DCUN1D4: variants seen among roughly 807,000 people sequenced by gnomAD.
The protein encoded by DCUN1D4 is defective in cullin neddylation 1 domain containing 4.
A neutral mutation model predicts 47.9 loss-of-function variants in DCUN1D4; 22 were observed. The ratio of observed to expected loss-of-function variants is 0.46; its 90% CI spans 0.33 to 0.66. The LOEUF (loss-of-function observed/expected upper bound fraction) is 0.66. Ranked by LOEUF, DCUN1D4 falls within the 30% of genes least tolerant of loss-of-function variation. DCUN1D4 has a pLI of 0.02. For synonymous variants in DCUN1D4, 121 were observed against 112.2 expected (o/e 1.08, Z -0.50); for missense variants, 301 against 340.8 (o/e 0.88, Z 0.92).
chr4:51,911,036 A>C, intron 8 of DCUN1D4, 34 bp from the exon 9 acceptor site: 1 of 1,593,846 alleles, frequency 6.3e-7, no homozygotes, highest in Non-Finnish European at 8.6e-7. Flanking sequence ...ATTTGGGGGC[A>C]TCTGGCTCAT....
intron 10 of DCUN1D4, 32 bp from the exon 11 acceptor site, chr4:51,913,497 A>G (rs758548535): frequency 1.9e-6 from 3 of 1,589,728 alleles, no homozygotes; most frequent in South Asian, 2.2e-5. Flanking sequence ...TATTATTATT[A>G]TTATTACTAC....
intron 1 of DCUN1D4, among the ~76,000 whole-genome samples, chr4:51,847,172 C>G (rs1722686073): frequency 6.6e-6 from 1 of 152,164 alleles, no homozygotes. Context: ...GGTTATATCC[C>G]TGAACCAGCT....
At chr4:51,852,173 TTTTTGCTGG>T (rs932400956) in intron 1 of DCUN1D4, among the ~76,000 whole-genome samples, 2 of 152,190 alleles carry the variant, frequency 1.3e-5, no homozygotes, top group African/African-American at 4.8e-5. Flanking sequence ...TCCCCTCTCA[TTTTTGCTGG>T]TTTGCTTACA....
At chr4:51,862,504 T>C (rs981953546) in intron 1 of DCUN1D4, among the ~76,000 whole-genome samples, 35 of 152,204 alleles carry the variant, frequency 2.3e-4, no homozygotes, top group African/African-American at 7.5e-4. Flanking sequence ...AGGGAGCTTT[T>C]TTTCTTTCTT....
chr4:51,891,541 T>TC (rs1293843380), intron 6 of DCUN1D4, among the ~76,000 whole-genome samples: 1 of 152,190 alleles, frequency 6.6e-6, no homozygotes, highest in Non-Finnish European at 1.5e-5. Flanking sequence ...AATACATGCT[T>TC]CTCCAAACTC....
intron 4 of DCUN1D4, 57 bp downstream of exon 4, chr4:51,874,442 T>G: frequency 7.8e-7 from 1 of 1,287,550 alleles, no homozygotes. Flanking sequence ...AGATGCACAT[T>G]TCTACCTAAT....
At chr4:51,853,099 C>T (rs1442732263) in intron 1 of DCUN1D4, among the ~76,000 whole-genome samples, 1 of 152,134 alleles carries the variant, frequency 6.6e-6, no homozygotes, top group East Asian at 1.9e-4. Context: ...AGACGGGTGT[C>T]CTGAAGTGAC....
At chr4:51,837,865 C>T in the DCUN1D4 span, among the ~76,000 whole-genome samples, 1 of 151,858 alleles carries the variant, frequency 6.6e-6, no homozygotes, top group Non-Finnish European at 1.5e-5. Flanking sequence ...GGAAAGATAT[C>T]AGGATTTTCT....
intron 1 of DCUN1D4, among the ~76,000 whole-genome samples, chr4:51,850,759 C>A (rs1038714447): frequency 6.6e-6 from 1 of 151,694 alleles, no homozygotes; most frequent in Non-Finnish European, 1.5e-5. Flanking sequence ...TGTGTGCGGG[C>A]GTGGGGTGGG....
At chr4:51,845,871 T>G (rs60104785) in intron 1 of DCUN1D4, among the ~76,000 whole-genome samples, 223 of 152,316 alleles carry the variant, frequency 1.5e-3, no homozygotes, top group African/African-American at 5.3e-3. Flanking sequence ...GGTGTTCTTG[T>G]GGAGATCATT....
intron 8 of DCUN1D4, among the ~76,000 whole-genome samples, chr4:51,899,947 A>G (rs1044762326): frequency 2.6e-5 from 4 of 152,204 alleles, no homozygotes; most frequent in Non-Finnish European, 5.9e-5. Context: ...AGTGAAATAA[A>G]AATCTTACTT....
chr4:51,882,615 AAATTAGTC>A (rs1728838624), intron 5 of DCUN1D4, among the ~76,000 whole-genome samples: 1 of 152,008 alleles, frequency 6.6e-6, no homozygotes, highest in African/African-American at 2.4e-5. Flanking sequence ...AAAATACAAA[AAATTAGTC>A]GGGCGTGGTG....
intron 7 of DCUN1D4, among the ~76,000 whole-genome samples, chr4:51,894,358 T>G (rs1355922892): frequency 1.3e-5 from 2 of 152,206 alleles, no homozygotes; most frequent in African/African-American, 4.8e-5. Context: ...ACTTCAAGTT[T>G]AAGAACCTCT....
chr4:51,874,232 G>A lies in DCUN1D4; in HGVS notation c.137-39G>A, dbSNP rs200539603. 255 of 1,403,576 alleles carry A rather than the reference G, an allele frequency of 1.8e-4. No individual in the cohort carries two copies. The African/African-American group carries it at 3.1e-3, about 17-fold the overall frequency. The allele number at this position is 1,403,576 out of a possible 1,614,324, so 86.9% of individuals were successfully genotyped here. On this transcript the variant is annotated intron_variant, in intron 3 of 10. Transcript: ENST00000334635. ...TTTGGAAGTACAGAGTTAGGATGTAGCATACCTTAATTTTGTGCTCTTTGA... is the reference window on the plus strand; with the variant it reads ...TTTGGAAGTACAGAGTTAGGATGTAACATACCTTAATTTTGTGCTCTTTGA...
At chr4:51,864,162 C>T (rs957241337) in intron 3 of DCUN1D4, among the ~76,000 whole-genome samples, 9 of 152,148 alleles carry the variant, frequency 5.9e-5, no homozygotes, top group African/African-American at 1.9e-4. Flanking sequence ...CTGTGGTTCT[C>T]AGAGTTTAGC....
rs758360065 is a variant in DCUN1D4, at chr4:51,863,525, A to C, written c.96+18A>C. ...ATAAGCTGGTAAGTCATTCTTTTAA[A>C]GACAAAATTACCAACTGTTTGAAGT... On this transcript the variant is annotated intron_variant, in intron 2 of 10. Transcript: ENST00000334635. 2.5e-6 allele frequency: 4 copies of C among 1,602,872 alleles called. No individual in the cohort carries two copies. The highest frequency in any genetic ancestry group is 3.4e-6 in the Non-Finnish European group (4 of 1,172,032).
chr4:51,882,537 G>A (rs563866175), intron 5 of DCUN1D4, among the ~76,000 whole-genome samples: 6 of 152,272 alleles, frequency 3.9e-5, no homozygotes, highest in Admixed American at 3.9e-4. Flanking sequence ...GGAGGCCGAG[G>A]CGGGCGGATC....
chr4:51,895,541 A>T (rs941844053), intron 7 of DCUN1D4, among the ~76,000 whole-genome samples: 13 of 138,272 alleles, frequency 9.4e-5, no homozygotes, highest in African/African-American at 3.5e-4. Flanking sequence ...GAATTAAGCT[A>T]ATTGTGGTGC....
intron 1 of DCUN1D4, chr4:51,844,449 G>GTGCGGGC (rs1722170673): frequency 1.0e-6 from 1 of 975,792 alleles, no homozygotes; most frequent in African/African-American, 1.8e-5. Context: ...CGGGGCAGGG[G>GTGCGGGC]TGCGGGCTGC....
Sources: allele counts gnomAD v4.1 joint callset (sites outside exome capture counted in the v4.1 genomes callset), GRCh38; gene constraint gnomAD v4.1.1; transcripts MANE v1.5; gene names NCBI Gene and HGNC (gene_info 2026-07-23, HGNC 2026-07-21).